The following PSME4 variants were observed in gnomAD, a reference collection of about 807,000 sequenced individuals.
PSME4 encodes proteasome activator complex subunit 4.
Under a neutral mutation model 253.9 loss-of-function variants are expected in PSME4, and 89 were observed. That is an observed-to-expected ratio of 0.35 (90% CI 0.30 to 0.42). The LOEUF is 0.42. Ranked by LOEUF, PSME4 falls within the 10% of genes least tolerant of loss-of-function variation. The pLI, the probability that PSME4 is intolerant of heterozygous loss-of-function variation, is 1.00. For synonymous variants in PSME4, 851 were observed against 759.2 expected (o/e 1.12, Z -1.99); for missense variants, 2,014 against 2,195.2 (o/e 0.92, Z 1.65).
At position 53,864,508 on chromosome 2, in the gene PSME4, TCA is replaced by T. The variant is rs1424296893; in HGVS notation, c.*1068_*1069del. On this transcript the variant is annotated 3_prime_UTR_variant, in exon 47 of 47. Transcript: ENST00000404125. Reference sequence around the variant, plus strand: ...AATTTAAAAACACAAAAAATGGCATTCAGTGGGTACAAAGCCCAAAATCACTA... The same window carrying T: ...AATTTAAAAACACAAAAAATGGCATTGTGGGTACAAAGCCCAAAATCACTA... 6.6e-6 allele frequency: 1 copy of T among 152,386 alleles called. No homozygotes were observed. Among genetic ancestry groups the T allele is most frequent in the Non-Finnish European group, 1.5e-5 (1 of 68,008 alleles). The allele number at this position is 152,386 out of a possible 1,614,324, so 9.4% of individuals were successfully genotyped here. A position where few individuals can be genotyped will look rare whatever the true frequency, so the allele number is the denominator to read the frequency against.
At chr2:53,896,938 TG>T in intron 31 of PSME4, 53 bp from the exon 32 acceptor site, 1 of 1,315,568 alleles carries the variant, frequency 7.6e-7, no homozygotes, top group South Asian at 1.2e-5. Flanking sequence ...ATCACTTAAC[TG>T]GTTGTCTGCT....
At position 53,955,410 on chromosome 2, in the gene PSME4, C is replaced by T. The variant is rs184071535; in HGVS notation, c.243-6127G>A. Among the ~76,000 whole-genome samples the T allele has an allele frequency of 2.3e-3, 347 of 152,206 alleles. 1 individual carries two copies. The highest frequency in any genetic ancestry group is 8.0e-3 in the African/African-American group (332 of 41,526). On this transcript the variant is annotated intron_variant, in intron 1 of 46. Transcript: ENST00000404125. ...TTTAAAGCTCATCAGCTATCATTAG[C>T]GTTAGTATATTTTATGTGTGGCCCA... is the stretch of plus-strand genomic sequence containing the variant.
chr2:53,874,306 C>G (rs371028594), intron 43 of PSME4, 33 bp downstream of exon 43: 2 of 1,586,976 alleles, frequency 1.3e-6, no homozygotes, highest in East Asian at 2.2e-5. Flanking sequence ...TTTAAATTGA[C>G]TGAATTTCCG....
Position 53,892,803 on chromosome 2 carries a change from A to G in PSME4, c.4191+5T>C. 1 of 1,609,020 alleles carries G rather than the reference A, an allele frequency of 6.2e-7. No individual in the cohort carries two copies. Among genetic ancestry groups the G allele is most frequent in the Non-Finnish European group, 8.5e-7 (1 of 1,178,156 alleles). ...AAATGTTCTGTACAAATATTAATAC[A>G]TCACCTTTTCAAATGTCCAGTGCTT... is the stretch of plus-strand genomic sequence containing the variant. On this transcript the variant is annotated splice_donor_5th_base_variant and intron_variant, in intron 36 of 46. Transcript: ENST00000404125.
At chr2:53,868,119 T>TA (rs1338914083) in intron 44 of PSME4, among the ~76,000 whole-genome samples, 1 of 152,050 alleles carries the variant, frequency 6.6e-6, no homozygotes, top group Non-Finnish European at 1.5e-5. Flanking sequence ...TCATTTGGTG[T>TA]AACAAAAGAC....
At chr2:53,870,735 ATATTCT>A (rs1430908709) in intron 43 of PSME4, 1 of 152,074 alleles carries the variant, frequency 6.6e-6, no homozygotes, top group Non-Finnish European at 1.5e-5. Flanking sequence ...GTACTATGCT[ATATTCT>A]TAATTTGTGT....
intron 44 of PSME4, among the ~76,000 whole-genome samples, chr2:53,868,509 A>AATATATATTATATATATTAT (rs1678694644): frequency 2.0e-5 from 1 of 51,158 alleles, no homozygotes; most frequent in African/African-American, 6.5e-5. Context: ...TATATATTAT[A>AATATATATTATATATATTAT]AAATATATTT....
At chr2:53,925,238 A>T (rs1412039898) in intron 14 of PSME4, among the ~76,000 whole-genome samples, 1 of 152,236 alleles carries the variant, frequency 6.6e-6, no homozygotes, top group East Asian at 1.9e-4. Flanking sequence ...TGGATATAAG[A>T]CGGCAGAGTG....
intron 1 of PSME4, among the ~76,000 whole-genome samples, chr2:53,955,821 C>A (rs1670208922): frequency 6.6e-6 from 1 of 151,854 alleles, no homozygotes; most frequent in East Asian, 1.9e-4. Flanking sequence ...ACTCAGGAGG[C>A]TGAGGTGGGA....
chr2:53,901,034 T>C (rs1421193605), intron 28 of PSME4, among the ~76,000 whole-genome samples: 1 of 152,148 alleles, frequency 6.6e-6, no homozygotes, highest in Non-Finnish European at 1.5e-5. Context: ...ATGGTAAACC[T>C]CATAAAATAT....
chr2:53,963,652 C>A (rs1670591714), intron 1 of PSME4, among the ~76,000 whole-genome samples: 1 of 152,158 alleles, frequency 6.6e-6, no homozygotes, highest in Non-Finnish European at 1.5e-5. Context: ...CATTAATGAG[C>A]TATTTTCTTG....
intron 14 of PSME4, 75 bp from the exon 15 acceptor site, chr2:53,923,494 A>G (rs1668418573): frequency 2.1e-6 from 3 of 1,450,898 alleles, no homozygotes; most frequent in Non-Finnish European, 2.7e-6. Flanking sequence ...AAAGAAAATG[A>G]TAAATATATT....
Position 53,970,720 on chromosome 2 carries a change from C to T in PSME4, c.65G>A (p.Gly22Asp). The T allele has an allele frequency of 1.3e-6, 2 of 1,548,192 alleles. No homozygotes were observed. The highest frequency in any genetic ancestry group is 1.7e-6 in the Non-Finnish European group (2 of 1,146,156). Residue 22 changes from glycine (G) to aspartate (D), a missense_variant, in exon 1 of 47, where the codon GGC (glycine) becomes GAC (aspartate). Around this residue, in one of 4 missense-constraint regions of PSME4, gnomAD observed 615 missense variants for 594.4 expected, o/e 1.03. Coordinates refer to ENST00000404125, the MANE Select transcript of PSME4 (RefSeq NM_014614.3). ...CTTCTGCGGGACGAAGCCCCGCGGG[C>T]CCGGCTCGGGACGCCCGCCCGGCTC... ...PPEPGGRPEP[G>D]PRGFVPQKEI...
intron 12 of PSME4, 120 bp from the exon 13 acceptor site, chr2:53,926,143 T>C: frequency 2.8e-6 from 2 of 716,546 alleles, no homozygotes; most frequent in South Asian, 3.5e-5. Flanking sequence ...TTGGGTACTA[T>C]GAGAAACAGC....
At chr2:53,955,225 T>C (rs1384116571) in intron 1 of PSME4, among the ~76,000 whole-genome samples, 3 of 152,164 alleles carry the variant, frequency 2.0e-5, no homozygotes, top group African/African-American at 7.2e-5. Context: ...TTTCCAAAAT[T>C]TCCTGAAAAA....
At chr2:53,915,686 G>A (rs748465502) in intron 20 of PSME4, among the ~76,000 whole-genome samples, 2 of 151,536 alleles carry the variant, frequency 1.3e-5, no homozygotes, top group African/African-American at 2.4e-5. Flanking sequence ...ATACACACAC[G>A]GCAATCTTAA....
intron 41 of PSME4, among the ~76,000 whole-genome samples, chr2:53,884,273 C>T (rs1317009173): frequency 6.6e-6 from 1 of 152,106 alleles, no homozygotes; most frequent in South Asian, 2.1e-4. Context: ...TGCAGTAGCA[C>T]GATCTCAGCT....
chr2:53,969,687 GTTTTT>G (rs61560289), intron 1 of PSME4, among the ~76,000 whole-genome samples: 2 of 138,958 alleles, frequency 1.4e-5, no homozygotes, highest in African/African-American at 5.3e-5. Flanking sequence ...ATTTTCACTC[GTTTTT>G]TTTTTTTTTT....
At chr2:53,923,448 C>A (rs770593338) in intron 14 of PSME4, 29 bp from the exon 15 acceptor site, 5 of 1,543,974 alleles carry the variant, frequency 3.2e-6, no homozygotes, top group Non-Finnish European at 4.3e-6. Context: ...GTTTAATGAG[C>A]ATTTTTTAAG....
Sources: allele counts gnomAD v4.1 joint callset (sites outside exome capture counted in the v4.1 genomes callset), GRCh38; gene constraint gnomAD v4.1.1; regional missense constraint gnomAD v4.1.1; transcripts MANE v1.5; gene names NCBI Gene and HGNC (gene_info 2026-07-23, HGNC 2026-07-21).